Variants in INTS4 observed in about 807,000 individuals in gnomAD.
The protein encoded by INTS4 is MSTP093.
Under a neutral mutation model 119.5 loss-of-function variants are expected in INTS4, and 70 were observed. That is an observed-to-expected ratio of 0.59 (90% CI 0.48 to 0.71). The LOEUF (loss-of-function observed/expected upper bound fraction) is 0.71. INTS4 is among the 30% of genes least tolerant of loss of function. The probability of loss-of-function intolerance (pLI) is 0.00; values close to 1 mark genes in which losing one functional copy is unlikely to be tolerated. For missense variants in INTS4, 867 were observed against 1,173.2 expected, an observed-to-expected ratio of 0.74 and a Z score of 3.81; for synonymous variants, 316 against 419.6, an observed-to-expected ratio of 0.75 and a Z score of 3.02.
At chr11:77,962,600 A>G (rs1156303840) in intron 4 of INTS4, among the ~76,000 whole-genome samples, 2 of 152,224 alleles carry the variant, frequency 1.3e-5, no homozygotes, top group East Asian at 3.8e-4. Context: ...ACCCAAAGTA[A>G]GAAACACATA....
intron 8 of INTS4, among the ~76,000 whole-genome samples, chr11:77,945,577 C>G (rs969289553): frequency 6.6e-6 from 1 of 152,162 alleles, no homozygotes; most frequent in Non-Finnish European, 1.5e-5. Flanking sequence ...TACCAACCAT[C>G]CAGAAAACAG....
chr11:77,972,441 G>C (rs1037522284), intron 4 of INTS4, among the ~76,000 whole-genome samples: 5 of 150,416 alleles, frequency 3.3e-5, no homozygotes, highest in African/African-American at 1.2e-4. Flanking sequence ...TTTTGAGACA[G>C]AGTCTCACTC....
chr11:77,951,913 A>T (rs1174518359), intron 8 of INTS4, among the ~76,000 whole-genome samples: 2 of 152,224 alleles, frequency 1.3e-5, no homozygotes, highest in African/African-American at 4.8e-5. Context: ...ACAGGAAAAA[A>T]TGCTCATCAT....
At chr11:77,881,047 G>A (rs1449250410) in intron 22 of INTS4, among the ~76,000 whole-genome samples, 1 of 152,196 alleles carries the variant, frequency 6.6e-6, no homozygotes, top group Non-Finnish European at 1.5e-5. Flanking sequence ...CATTTGATAA[G>A]AATGGCAATT....
chr11:77,902,871 G>A (rs763288813), intron 17 of INTS4, among the ~76,000 whole-genome samples: 23 of 152,252 alleles, frequency 1.5e-4, no homozygotes, highest in Admixed American at 3.9e-4. Context: ...ACCTTTTAAC[G>A]TTGAAGAGAT....
At chr11:77,992,484 T>G (rs149486368) in intron 1 of INTS4, among the ~76,000 whole-genome samples, 1,952 of 152,262 alleles carry the variant, frequency 0.013, 40 homozygotes, top group African/African-American at 0.046. Context: ...GAGGATCCCT[T>G]GAGCCCAGGA....
intron 7 of INTS4, among the ~76,000 whole-genome samples, chr11:77,958,509 GAGA>G (rs1489989427): frequency 6.6e-6 from 1 of 152,230 alleles, no homozygotes; most frequent in Non-Finnish European, 1.5e-5. Flanking sequence ...ACTTATGGAT[GAGA>G]AGGTTAGGAT....
chr11:77,922,266 G>C, intron 13 of INTS4, 90 bp downstream of exon 13: 2 of 1,347,704 alleles, frequency 1.5e-6, no homozygotes, highest in Non-Finnish European at 2.0e-6. Flanking sequence ...GCAAAGAAAA[G>C]AAAATTCAGA....
At chr11:77,957,098 C>G (rs1204388632) in intron 7 of INTS4, among the ~76,000 whole-genome samples, 4 of 152,066 alleles carry the variant, frequency 2.6e-5, no homozygotes, top group Non-Finnish European at 4.4e-5. Context: ...CCACACCCAG[C>G]TAATTTTTTA....
chr11:77,972,995 C>T (rs1855792775), intron 4 of INTS4, among the ~76,000 whole-genome samples: 1 of 151,782 alleles, frequency 6.6e-6, no homozygotes, highest in Non-Finnish European at 1.5e-5. Context: ...CAAGTGCCAC[C>T]ATACCTGACT....
chr11:77,904,117 T>G (rs568148018), intron 16 of INTS4, among the ~76,000 whole-genome samples: 1 of 152,330 alleles, frequency 6.6e-6, no homozygotes, highest in South Asian at 2.1e-4. Context: ...TCAATCTTTC[T>G]ACATTCAAAA....
chr11:77,961,738 T>C (rs1217364425), intron 4 of INTS4, among the ~76,000 whole-genome samples: 1 of 152,238 alleles, frequency 6.6e-6, no homozygotes. Context: ...AAATAGCATC[T>C]GGCTTCTGTG....
intron 10 of INTS4, among the ~76,000 whole-genome samples, chr11:77,932,550 G>T (rs1240646414): frequency 6.6e-6 from 1 of 152,196 alleles, no homozygotes; most frequent in African/African-American, 2.4e-5. Context: ...ACAGTGTAAC[G>T]ATTCCTCAAG....
downstream of INTS4, among the ~76,000 whole-genome samples, chr11:77,874,399 A>T (rs1951542766): frequency 6.7e-6 from 1 of 148,990 alleles, no homozygotes; most frequent in African/African-American, 2.5e-5. Flanking sequence ...GGTCAAATGT[A>T]AGGTGAGACA....
chr11:77,894,286 T>G lies in INTS4; in HGVS notation c.2288+4A>C, dbSNP rs1389441469. ...ATAAGCCAGAAGAGTTATAAAATAC[T>G]TACCTCTGAAAAAAGTCTACTTCCT... On this transcript the variant is annotated splice_donor_region_variant and intron_variant, in intron 19 of 22. Transcript: ENST00000534064. 2 of 1,481,438 alleles carry G rather than the reference T, an allele frequency of 1.4e-6. No individual in the cohort carries two copies. Among genetic ancestry groups the G allele is most frequent in the Non-Finnish European group, 1.9e-6 (2 of 1,065,744 alleles). 91.8% of individuals were successfully genotyped at this position (1,481,438 alleles called of 1,614,324 possible).
At chr11:77,899,930 G>A (rs1952703283) in intron 18 of INTS4, among the ~76,000 whole-genome samples, 1 of 151,960 alleles carries the variant, frequency 6.6e-6, no homozygotes, top group African/African-American at 2.4e-5. Context: ...TAGATTACCA[G>A]AGAACCTTCA....
chr11:77,883,191 A>G (rs1215281887), intron 22 of INTS4, among the ~76,000 whole-genome samples: 1 of 152,196 alleles, frequency 6.6e-6, no homozygotes, highest in Non-Finnish European at 1.5e-5. Context: ...TGGTGGCATT[A>G]AACACCTCCA....
intron 21 of INTS4, among the ~76,000 whole-genome samples, chr11:77,891,051 G>A (rs1357103317): frequency 6.6e-6 from 1 of 152,096 alleles, no homozygotes; most frequent in Admixed American, 6.6e-5. Flanking sequence ...ACCCTTACTG[G>A]GTCCTGGGGG....
chr11:77,879,493 T>C (rs1244081247), intron 22 of INTS4, among the ~76,000 whole-genome samples: 1 of 152,200 alleles, frequency 6.6e-6, no homozygotes. Context: ...TGATACCCAG[T>C]TGGGCTCTTC....
Sources: gnomAD v4.1 joint callset for allele counts (sites outside exome capture counted in the v4.1 genomes callset) on GRCh38, gnomAD v4.1.1 for gene constraint, MANE v1.5 for transcripts, NCBI Gene and HGNC (gene_info 2026-07-23, HGNC 2026-07-21) for gene names.